The following PPP1R1C variants were observed in gnomAD, a reference collection of about 807,000 sequenced individuals.
PPP1R1C encodes protein phosphatase 1 regulatory subunit 1C.
A neutral mutation model predicts 17.4 loss-of-function variants in PPP1R1C; 15 were observed. That is an observed-to-expected ratio of 0.86 (90% CI 0.58 to 1.33). The LOEUF (loss-of-function observed/expected upper bound fraction) is 1.33, where lower values mean the gene tolerates loss of function less well. Among genes scored for constraint, PPP1R1C ranks in the 40% most tolerant of loss-of-function variants. The probability of loss-of-function intolerance (pLI) is 0.00; values close to 1 mark genes in which losing one functional copy is unlikely to be tolerated. For synonymous variants in PPP1R1C, 35 were observed against 43.1 expected, an observed-to-expected ratio of 0.81 and a Z score of 0.73; for missense variants, 143 against 130.0, an observed-to-expected ratio of 1.10 and a Z score of -0.48.
intron 4 of PPP1R1C, among the ~76,000 whole-genome samples, chr2:182,111,966 G>A (rs1574461331): frequency 6.6e-6 from 1 of 152,104 alleles, no homozygotes; most frequent in Non-Finnish European, 1.5e-5. Flanking sequence ...AATCTAATGA[G>A]TATGTTGCTC....
At chr2:182,073,551 T>A (rs920864245) in intron 4 of PPP1R1C, among the ~76,000 whole-genome samples, 79 of 152,340 alleles carry the variant, frequency 5.2e-4, no homozygotes, top group African/African-American at 1.8e-3. Context: ...TGAAAAATGT[T>A]GTCAAATGAA....
Position 181,967,171 on chromosome 2 carries a change from A to G in PPP1R1C, n.112-8048A>G, listed in dbSNP as rs377546310. Among the ~76,000 whole-genome samples, 8 of 151,922 alleles carry G rather than the reference A, an allele frequency of 5.3e-5. No homozygotes were observed. The highest frequency in any genetic ancestry group is 1.9e-4 in the African/African-American group (8 of 41,376). ...TGTCTTCTTTTTTGTCTCTGATTTT[A>G]TTTATTTGAGTCTTCTCTCGTTTTT... On this transcript the variant is annotated intron_variant and non_coding_transcript_variant, in intron 1 of 5. Coordinates refer to the PPP1R1C transcript ENST00000464264. This position sits in a 1 kb window ranked among gnomAD's most constrained non-coding sequence, Gnocchi z 5.5.
intron 2 of PPP1R1C, among the ~76,000 whole-genome samples, chr2:182,059,633 C>T (rs1574418620): frequency 6.6e-6 from 1 of 152,060 alleles, no homozygotes; most frequent in East Asian, 1.9e-4. Context: ...TTTCACTTTT[C>T]AATTTCAAGA....
chr2:182,032,680 T>A (rs1686882081), intron 2 of PPP1R1C, among the ~76,000 whole-genome samples: 1 of 152,160 alleles, frequency 6.6e-6, no homozygotes, highest in South Asian at 2.1e-4. Context: ...TTCCACTACT[T>A]ACAAGCTGTG....
chr2:182,020,165 G>A (rs747258875), intron 2 of PPP1R1C, among the ~76,000 whole-genome samples: 15 of 152,130 alleles, frequency 9.9e-5, no homozygotes, highest in Non-Finnish European at 1.9e-4. Flanking sequence ...AATTAAAGTA[G>A]CATCATTTTG....
chr2:182,128,302 G>C (rs928979933), intron 5 of PPP1R1C, among the ~76,000 whole-genome samples: 4 of 152,010 alleles, frequency 2.6e-5, no homozygotes, highest in East Asian at 1.9e-4. Flanking sequence ...AAAAGGTAGC[G>C]TCTCCTTTTT....
downstream of PPP1R1C, among the ~76,000 whole-genome samples, chr2:182,120,506 T>G (rs1478589843): frequency 6.6e-6 from 1 of 152,220 alleles, no homozygotes; most frequent in Non-Finnish European, 1.5e-5. Flanking sequence ...TTTTCTTTGT[T>G]AAGCCAAAAC....
chr2:182,036,691 C>T (rs1029806935), intron 2 of PPP1R1C, among the ~76,000 whole-genome samples: 1 of 152,048 alleles, frequency 6.6e-6, no homozygotes, highest in Non-Finnish European at 1.5e-5. Flanking sequence ...CTCTGTCTCT[C>T]TCTCTATGTG....
intron 2 of PPP1R1C, among the ~76,000 whole-genome samples, chr2:182,001,502 C>T (rs1221060643): frequency 6.6e-6 from 1 of 152,112 alleles, no homozygotes; most frequent in Non-Finnish European, 1.5e-5. Flanking sequence ...GAGTCCAATT[C>T]AATGCCATCA....
At chr2:181,965,900 G>T (rs1215317135) in intron 1 of PPP1R1C, among the ~76,000 whole-genome samples, 1 of 152,080 alleles carries the variant, frequency 6.6e-6, no homozygotes, top group African/African-American at 2.4e-5. Flanking sequence ...AGGGAGTATG[G>T]ACATTTTAAC....
chr2:181,996,378 C>T (rs1685613636), intron 2 of PPP1R1C, among the ~76,000 whole-genome samples: 2 of 152,202 alleles, frequency 1.3e-5, no homozygotes, highest in South Asian at 4.1e-4. Flanking sequence ...TGTGCGGTCT[C>T]TGCCCTCTCC....
chr2:182,077,934 C>A (rs1688362797), intron 4 of PPP1R1C, among the ~76,000 whole-genome samples: 1 of 152,162 alleles, frequency 6.6e-6, no homozygotes, highest in Non-Finnish European at 1.5e-5. Flanking sequence ...TAATGCCAAC[C>A]CTTTGGGAGG....
At chr2:181,959,089 C>T (rs1684719003) in intron 1 of PPP1R1C, among the ~76,000 whole-genome samples, 1 of 152,120 alleles carries the variant, frequency 6.6e-6, no homozygotes, top group African/African-American at 2.4e-5. Context: ...ATTTTAACTC[C>T]CACTAGCAGT....
chr2:181,983,176 A>T (rs140376115), upstream of PPP1R1C, among the ~76,000 whole-genome samples: 56 of 152,198 alleles, frequency 3.7e-4, 3 homozygotes, highest in East Asian at 0.011. Context: ...ACTGCCACTG[A>T]CTTCTCTACT....
chr2:182,031,149 G>A (rs1266287431), intron 2 of PPP1R1C, among the ~76,000 whole-genome samples: 1 of 152,200 alleles, frequency 6.6e-6, no homozygotes, highest in African/African-American at 2.4e-5. Context: ...TACCTCAGAT[G>A]GAAATGCAGA....
chr2:182,052,878 T>C (rs1687568299), intron 2 of PPP1R1C, among the ~76,000 whole-genome samples: 1 of 152,130 alleles, frequency 6.6e-6, no homozygotes, highest in Non-Finnish European at 1.5e-5. Context: ...GTCAGCTCAT[T>C]AGAATAGCTC....
intron 2 of PPP1R1C, among the ~76,000 whole-genome samples, chr2:182,042,753 C>T (rs1022823199): frequency 5.3e-5 from 8 of 152,150 alleles, no homozygotes; most frequent in Non-Finnish European, 8.8e-5. Context: ...CAGTTCTGTG[C>T]ACCAGCTTTT....
At chr2:182,049,401 G>A (rs1687442816) in intron 2 of PPP1R1C, among the ~76,000 whole-genome samples, 1 of 150,824 alleles carries the variant, frequency 6.6e-6, no homozygotes, top group South Asian at 2.1e-4. Flanking sequence ...TTTCTCCGTT[G>A]CTACTTCTCT....
At chr2:182,055,815 GC>G (rs1175387423) in intron 2 of PPP1R1C, among the ~76,000 whole-genome samples, 1 of 152,138 alleles carries the variant, frequency 6.6e-6, no homozygotes, top group Admixed American at 6.5e-5. Context: ...TTTTCAAATT[GC>G]TCTGATGTTT....
Sources: allele counts gnomAD v4.1 joint callset (sites outside exome capture counted in the v4.1 genomes callset), GRCh38; gene constraint gnomAD v4.1.1; non-coding constraint Gnocchi (gnomAD v3.1); transcripts MANE v1.5; gene names NCBI Gene and HGNC (gene_info 2026-07-23, HGNC 2026-07-21).